MYH13: variants seen among roughly 807,000 people sequenced by gnomAD.
The protein encoded by MYH13 is myosin-13.
In MYH13, 177 loss-of-function variants were observed where a neutral mutation model predicts 232.1. The observed-to-expected ratio is 0.76, with a 90% CI of 0.67 to 0.86. The LOEUF is 0.86. Among genes scored for constraint, MYH13 ranks in the 40% least tolerant of loss-of-function variants. The pLI is 0.00. For missense variants in MYH13, 2,246 were observed against 2,405.9 expected, an observed-to-expected ratio of 0.93 and a Z score of 1.39; for synonymous variants, 884 against 923.5, an observed-to-expected ratio of 0.96 and a Z score of 0.78.
chr17:10,339,065 G>T (rs543007302), intron 18 of MYH13, among the ~76,000 whole-genome samples: 3 of 152,134 alleles, frequency 2.0e-5, no homozygotes, highest in African/African-American at 7.2e-5. Context: ...TTAGGATCAC[G>T]TGGTAATAGG....
chr17:10,315,891 A>C lies in MYH13; in HGVS notation c.3865+8T>G. 1 of 1,613,866 alleles carries C rather than the reference A, an allele frequency of 6.2e-7. No individual in the cohort carries two copies. The highest frequency in any genetic ancestry group is 1.1e-5 in the South Asian group (1 of 91,076). On this transcript the variant is annotated splice_region_variant and intron_variant, in intron 28 of 40. Transcript: ENST00000252172. ...CCCGGCTGGACCCAGAGCCCTGCCC[A>C]TTCTCACCATTTTGGGTCTGCAGTC... is the stretch of plus-strand genomic sequence containing the variant.
chr17:10,344,196 T>C lies in MYH13; in HGVS notation c.1585-87A>G, dbSNP rs1383669057. ...AAGCCAAAAAACCTTCTTTGGTGCT[T>C]TCACTCTGGTACCAGGAATGCTGGC... On this transcript the variant is annotated intron_variant, in intron 15 of 40. Coordinates refer to ENST00000252172, the MANE Select transcript of MYH13 (RefSeq NM_003802.3). The C allele has an allele frequency of 2.0e-6, 3 of 1,522,452 alleles. No individual in the cohort carries two copies. In the East Asian group the frequency reaches 6.8e-5, roughly 34 times the overall value. 94.3% of individuals were successfully genotyped at this position (1,522,452 alleles called of 1,614,324 possible).
At position 10,315,859 on chromosome 17, in the gene MYH13, C is replaced by T. The variant is rs970658228; in HGVS notation, c.3865+40G>A. 4 of 1,613,946 alleles carry T rather than the reference C, an allele frequency of 2.5e-6. No individual in the cohort carries two copies. In the East Asian group the frequency reaches 6.7e-5, roughly 27 times the overall value. On this transcript the variant is annotated intron_variant, in intron 28 of 40. Transcript: ENST00000252172. ...ACGTCAGTGTTACTGACCACCCTCT[C>T]CCATGGCCCGGCTGGACCCAGAGCC...
intron 24 of MYH13, among the ~76,000 whole-genome samples, chr17:10,321,242 A>G (rs1439601792): frequency 2.0e-5 from 3 of 152,252 alleles, no homozygotes; most frequent in African/African-American, 4.8e-5. Flanking sequence ...TAGCAATAGT[A>G]GCAGCTATGT....
chr17:10,360,423 G>A (rs1380344048), intron 5 of MYH13, among the ~76,000 whole-genome samples: 1 of 152,138 alleles, frequency 6.6e-6, no homozygotes, highest in East Asian at 1.9e-4. Flanking sequence ...TCACTGTAGT[G>A]AATCCCACAG....
chr17:10,363,191 G>C (rs2071806932), intron 3 of MYH13, among the ~76,000 whole-genome samples: 2 of 151,714 alleles, frequency 1.3e-5, no homozygotes, highest in Admixed American at 6.6e-5. Context: ...ACAGAAAATA[G>C]GGCAAGAACA....
At chr17:10,329,477 C>T (rs1453603851) in intron 21 of MYH13, among the ~76,000 whole-genome samples, 1 of 152,224 alleles carries the variant, frequency 6.6e-6, no homozygotes, top group Non-Finnish European at 1.5e-5. Context: ...GTTCACTCTC[C>T]TAGCTGCCAG....
intron 8 of MYH13, 34 bp downstream of exon 8, chr17:10,357,701 T>G (rs1597388794): frequency 1.3e-6 from 2 of 1,592,528 alleles, no homozygotes; most frequent in Non-Finnish European, 8.6e-7. Context: ...GGTATGCTTT[T>G]GGGAGGATAC....
At chr17:10,313,062 C>T (rs1025616102) in intron 30 of MYH13, 96 bp downstream of exon 30, 51 of 1,565,072 alleles carry the variant, frequency 3.3e-5, no homozygotes, top group Non-Finnish European at 4.0e-5. Flanking sequence ...ACCACAAAGG[C>T]GTGGGCAGGA....
intron 12 of MYH13, among the ~76,000 whole-genome samples, chr17:10,350,013 T>C (rs945175159): frequency 6.6e-6 from 1 of 152,176 alleles, no homozygotes; most frequent in African/African-American, 2.4e-5. Context: ...TGCCCTGTGC[T>C]CTAGTTCCAG....
chr17:10,360,302 T>A, intron 5 of MYH13, 114 bp from the exon 6 acceptor site: 2 of 1,209,634 alleles, frequency 1.7e-6, no homozygotes, highest in Non-Finnish European at 2.4e-6. Context: ...TCTTTGCCAT[T>A]AACCACTGGT....
intron 15 of MYH13, 81 bp from the exon 16 acceptor site, chr17:10,344,190 G>A (rs756860956): frequency 1.7e-5 from 26 of 1,536,430 alleles, no homozygotes; most frequent in Non-Finnish European, 2.3e-5. Context: ...AACCTTCTTT[G>A]GTGCTTTCAC....
chr17:10,337,594 A>G (rs1473297922), intron 18 of MYH13, among the ~76,000 whole-genome samples: 1 of 152,176 alleles, frequency 6.6e-6, no homozygotes, highest in African/African-American at 2.4e-5. Flanking sequence ...AGTCTTCTAG[A>G]AAATAAAGAG....
intron 24 of MYH13, 31 bp from the exon 25 acceptor site, chr17:10,320,527 C>T (rs1378686605): frequency 1.9e-6 from 3 of 1,599,184 alleles, no homozygotes; most frequent in Admixed American, 1.7e-5. Flanking sequence ...AAAATTAAGC[C>T]CCTGCTGGGG....
rs1212055732 is a variant in MYH13 at position 10,315,820 on chromosome 17, C to T, written c.3866-9G>A. ...TCGGTGGCTCAGCTCCCCTACCAAA[C>T]AGATGTGGCCCCCACGTCAGTGTTA... is the stretch of plus-strand genomic sequence containing the variant. On this transcript the variant is annotated splice_polypyrimidine_tract_variant and intron_variant, in intron 28 of 40. Transcript: ENST00000252172. 1.9e-6 allele frequency: 3 copies of T among 1,613,986 alleles called. No homozygotes were observed. The highest frequency in any genetic ancestry group is 1.7e-6 in the Non-Finnish European group (2 of 1,179,900).
At chr17:10,363,338 A>C (rs951083213) in intron 3 of MYH13, among the ~76,000 whole-genome samples, 3 of 144,536 alleles carry the variant, frequency 2.1e-5, no homozygotes, top group Non-Finnish European at 4.6e-5. Context: ...AAAAAAAAAT[A>C]GGGCAAGAAA....
At chr17:10,344,220 G>A (rs1013879280) in intron 15 of MYH13, 111 bp from the exon 16 acceptor site, 56 of 1,458,598 alleles carry the variant, frequency 3.8e-5, no homozygotes, top group Middle Eastern at 3.7e-4. Context: ...AGGAATGCTG[G>A]CATGTACGCT....
intron 31 of MYH13, 22 bp from the exon 32 acceptor site, chr17:10,312,098 T>C (rs1261831147): frequency 1.9e-6 from 3 of 1,612,638 alleles, no homozygotes; most frequent in East Asian, 2.2e-5. Context: ...CAAAGGGACA[T>C]GGGAGAAGCA....
rs566712399 is a variant in MYH13 at position 10,322,922 on chromosome 17, C to T, written c.2934+1100G>A. Among the ~76,000 whole-genome samples the T allele has an allele frequency of 3.0e-4, 46 of 152,220 alleles. No individual in the cohort carries two copies. The South Asian group carries it at 7.1e-3, about 23-fold the overall frequency. On this transcript the variant is annotated intron_variant, in intron 23 of 40. Transcript: ENST00000252172. ...TGCTGGGATTACAGGCATAAGCCAC[C>T]GCACCTGGCCCTATATTTCATTTTC...
Sources: gnomAD v4.1 joint callset for allele counts (sites outside exome capture counted in the v4.1 genomes callset) on GRCh38, gnomAD v4.1.1 for gene constraint, MANE v1.5 for transcripts, NCBI Gene and HGNC (gene_info 2026-07-23, HGNC 2026-07-21) for gene names.